SEMA3G: variants seen among roughly 807,000 people sequenced by gnomAD.
The protein encoded by SEMA3G is semaphorin 3G.
A neutral mutation model predicts 86.2 loss-of-function variants in SEMA3G; 70 were observed. The observed-to-expected ratio is 0.81, with a 90% CI of 0.67 to 0.99. SEMA3G has a LOEUF of 0.99. SEMA3G is among the 50% of genes least tolerant of loss of function. The probability of loss-of-function intolerance (pLI) is 0.00; values close to 1 mark genes in which losing one functional copy is unlikely to be tolerated. For missense variants in SEMA3G, 1,002 were observed against 1,072.4 expected, an observed-to-expected ratio of 0.93 and a Z score of 0.92; for synonymous variants, 416 against 441.4, an observed-to-expected ratio of 0.94 and a Z score of 0.72.
rs1706034178 is a variant in SEMA3G at position 52,435,731 on chromosome 3, A to C, written c.2221T>G (p.Phe741Val). 6.2e-7 allele frequency: 1 copy of C among 1,614,068 alleles called. No homozygotes were observed. Among genetic ancestry groups the C allele is most frequent in the South Asian group, 1.1e-5 (1 of 91,086 alleles). ...TGCTTGCCCCGGCTCCGGCTCCGGAAGCAGCCTGAGCATTCCGTGGTGCCC... is the reference window on the plus strand; with the variant it reads ...TGCTTGCCCCGGCTCCGGCTCCGGACGCAGCCTGAGCATTCCGTGGTGCCC... ...CRGTTECSGCFRSRSRGKQAR... is the reference protein window; with the variant it reads ...CRGTTECSGCVRSRSRGKQAR... The change falls in exon 16 of 16, where the codon TTC becomes GTC. Residue 741 changes from phenylalanine (F) to valine (V), a missense_variant. Physicochemically the swap from Phe to Val is conservative, Grantham distance 50. Coordinates refer to ENST00000231721, the MANE Select transcript of SEMA3G (RefSeq NM_020163.3).
Position 52,441,425 on chromosome 3 carries a change from G to A in SEMA3G, c.668-16C>T, listed in dbSNP as rs568020415. The A allele has an allele frequency of 5.0e-6, 8 of 1,611,556 alleles. No homozygotes were observed. Among genetic ancestry groups the A allele is most frequent in the African/African-American group, 1.3e-5 (1 of 74,900 alleles). On this transcript the variant is annotated splice_polypyrimidine_tract_variant and intron_variant, in intron 6 of 15. Coordinates refer to ENST00000231721, the MANE Select transcript of SEMA3G (RefSeq NM_020163.3). Reference sequence around the variant, plus strand: ...AACCGGGGGTCTGGAAGGGTGACAGGGTCATGCTGGGTGGAGGGGCCCCAC... The same window carrying A: ...AACCGGGGGTCTGGAAGGGTGACAGAGTCATGCTGGGTGGAGGGGCCCCAC...
At chr3:52,440,177 A>G in intron 10 of SEMA3G, 79 bp from the exon 11 acceptor site, 1 of 1,299,384 alleles carries the variant, frequency 7.7e-7, no homozygotes, top group Non-Finnish European at 1.1e-6. Context: ...TTTCCACCCC[A>G]ACCAGGGGGA....
rs966294251 is a variant in SEMA3G at position 52,442,060 on chromosome 3, C to T, written c.459+125G>A. Reference sequence around the variant, plus strand: ...GGCCCCTCTAATGGGGTCAGCTCCCCAACACAAAGGCGCCTTTCAGGCCCC... The same window carrying T: ...GGCCCCTCTAATGGGGTCAGCTCCCTAACACAAAGGCGCCTTTCAGGCCCC... On this transcript the variant is annotated intron_variant, in intron 4 of 15. Coordinates refer to ENST00000231721, the MANE Select transcript of SEMA3G (RefSeq NM_020163.3). The surrounding 1 kb of genome is among the most constrained non-coding windows in gnomAD (Gnocchi z 6.1). 19 of 1,415,280 alleles carry T rather than the reference C, an allele frequency of 1.3e-5. No homozygotes were observed. The highest frequency in any genetic ancestry group is 1.8e-5 in the Non-Finnish European group (19 of 1,051,540). The allele number at this position is 1,415,280 out of a possible 1,614,324, so 87.7% of individuals were successfully genotyped here.
intron 13 of SEMA3G, 59 bp downstream of exon 13, chr3:52,438,861 G>A (rs1051833878): frequency 1.9e-6 from 3 of 1,604,932 alleles, no homozygotes; most frequent in Non-Finnish European, 2.6e-6. Flanking sequence ...GGGCAGAGGA[G>A]GAGGCTGCGG....
Position 52,442,908 on chromosome 3 carries a change from C to T in SEMA3G, c.116-1G>A. 6.3e-7 allele frequency: 1 copy of T among 1,588,194 alleles called. No individual in the cohort carries two copies. The highest frequency in any genetic ancestry group is 8.6e-7 in the Non-Finnish European group (1 of 1,167,080). On this transcript the variant is annotated splice_acceptor_variant, in intron 1 of 15. Coordinates refer to ENST00000231721, the MANE Select transcript of SEMA3G (RefSeq NM_020163.3). LOFTEE classifies it high-confidence loss of function. The surrounding 1 kb of genome is among the most constrained non-coding windows in gnomAD (Gnocchi z 6.1). ...GCAGAGCGGTTGGCAGACAGGAGGT[C>T]TAGGAGGATGTATGGGGAGGCAGAT...
In SEMA3G at chr3:52,436,005, A is replaced by G. The variant is rs1559608159; in HGVS notation, c.1947T>C (p.Asp649=). 3.1e-6 allele frequency: 5 copies of G among 1,613,756 alleles called. No homozygotes were observed. The highest frequency in any genetic ancestry group is 3.4e-6 in the Non-Finnish European group (4 of 1,180,018). Reference sequence around the variant, plus strand: ...GAGTGGTGCAGGTGTAGGTGCCCGCATCGAAACGGCTAAGCCTGCGGAACA... The same window carrying G: ...GAGTGGTGCAGGTGTAGGTGCCCGCGTCGAAACGGCTAAGCCTGCGGAACA... ...GLLFRRLSRF[D]AGTYTCTTLE... Residue 649 remains aspartate (D), a synonymous_variant, in exon 16 of 16, where the codon GAT becomes GAC. Coordinates refer to ENST00000231721, the MANE Select transcript of SEMA3G (RefSeq NM_020163.3).
chr3:52,443,217 G>A (rs1251571578), intron 1 of SEMA3G: 2 of 494,816 alleles, frequency 4.0e-6, no homozygotes, highest in Non-Finnish European at 7.2e-6. Flanking sequence ...AGTCCCCAGG[G>A]AAGAAGGCCC....
chr3:52,443,118 C>G, intron 1 of SEMA3G: 1 of 1,377,078 alleles, frequency 7.3e-7, no homozygotes, highest in South Asian at 1.2e-5. Context: ...CTGGCCCAGC[C>G]TACCCTGGGG....
chr3:52,442,752 G>C lies in SEMA3G; in HGVS notation c.271C>G (p.Arg91Gly), dbSNP rs145924362. The change falls in exon 2 of 16, where the codon CGG (arginine) becomes GGG (glycine). Residue 91 changes from arginine (R) to glycine (G), a missense_variant. Transcript: ENST00000231721. This position sits in a 1 kb window ranked among gnomAD's most constrained non-coding sequence, Gnocchi z 6.1. ...TCCCTGCCAGTCCAGCTCACCTCCC[G>C]GGGATCTGGCCATGCCTGGTCCAGC... ...LRLDQAWPDP[R>G]EVLWPPQPGQ... 1.1e-4 allele frequency: 173 copies of C among 1,613,688 alleles called. No individual in the cohort carries two copies. Among genetic ancestry groups the C allele is most frequent in the East Asian group, 1.6e-4 (7 of 44,876 alleles).
intron 13 of SEMA3G, 80 bp downstream of exon 13, chr3:52,438,840 C>T: frequency 1.9e-6 from 3 of 1,586,694 alleles, no homozygotes; most frequent in African/African-American, 2.7e-5. Context: ...CTCGAGGAGG[C>T]TGCGGAGCAG....
Position 52,442,863 on chromosome 3 carries a change from C to T in SEMA3G, c.160G>A (p.Gly54Ser), listed in dbSNP as rs1336583749. ...NRSAIFLGPQ[G>S]SLNLQAMYLD... Reference sequence around the variant, plus strand: ...TACATGGCCTGGAGGTTCAGGGAGCCCTGGGGGCCCAGAAAGATGGCAGAG... The same window carrying T: ...TACATGGCCTGGAGGTTCAGGGAGCTCTGGGGGCCCAGAAAGATGGCAGAG... Residue 54 changes from glycine (G) to serine (S), a missense_variant, in exon 2 of 16, where the codon GGC becomes AGC. Coordinates refer to ENST00000231721, the MANE Select transcript of SEMA3G (RefSeq NM_020163.3). The surrounding 1 kb of genome is among the most constrained non-coding windows in gnomAD (Gnocchi z 6.1). 6.2e-7 allele frequency: 1 copy of T among 1,609,168 alleles called. No homozygotes were observed. Among genetic ancestry groups the T allele is most frequent in the Non-Finnish European group, 8.5e-7 (1 of 1,177,822 alleles).
rs1219316935 is a variant in SEMA3G at position 52,440,802 on chromosome 3, G to C, written c.950C>G (p.Pro317Arg). 2 of 1,612,804 alleles carry C rather than the reference G, an allele frequency of 1.2e-6. No individual in the cohort carries two copies. The highest frequency in any genetic ancestry group is 2.2e-5 in the South Asian group (2 of 91,056). ...CACCTCGAGGCTCTTCCCGGCCTTG[G>C]GCCACAGCAGGAACACATCCTCTGG... is the stretch of plus-strand genomic sequence containing the variant. ...DQLEDVFLLW[P>R]KAGKSLEVYA... Residue 317 changes from proline (P) to arginine (R), a missense_variant, in exon 9 of 16, where the codon CCC becomes CGC. Transcript: ENST00000231721.
In SEMA3G at chr3:52,438,595, C is replaced by T. The variant is rs141952351; in HGVS notation, c.1509+325G>A. 5.4e-3 allele frequency: 5,342 copies of T among 985,476 alleles called. 23 individuals carry two copies. The highest frequency in any genetic ancestry group is 0.024 in the South Asian group (517 of 21,288). The allele number at this position is 985,476 out of a possible 1,614,324, so 61.0% of individuals were successfully genotyped here. A position where few individuals can be genotyped will look rare whatever the true frequency, so the allele number is the denominator to read the frequency against. On this transcript the variant is annotated intron_variant, in intron 13 of 15. Coordinates refer to ENST00000231721, the MANE Select transcript of SEMA3G (RefSeq NM_020163.3). ...ACTGGAGCAGATAAATATGGGGAGA[C>T]GGGTTTTGCCACTTGGCAAATATAG...
intron 13 of SEMA3G, chr3:52,438,571 C>A (rs561465406): frequency 2.2e-5 from 22 of 985,496 alleles, no homozygotes; most frequent in Admixed American, 1.8e-4. Context: ...CAAAGATACA[C>A]TGGAGCAGAT....
Position 52,438,075 on chromosome 3 carries a change from G to T in SEMA3G, c.1634C>A (p.Ala545Asp). The change falls in exon 14 of 16, where the codon GCC becomes GAC. Residue 545 changes from alanine to aspartate, a missense_variant. Transcript: ENST00000231721. ...ARDPYCAWDG[A>D]SCTHYRPSLG... ...GCTGGGGCGGTAGTGGGTACAGGAG[G>T]CACCATCCCAGGCACAGTATGGGTC... 1 of 1,613,224 alleles carries T rather than the reference G, an allele frequency of 6.2e-7. No individual in the cohort carries two copies. Among genetic ancestry groups the T allele is most frequent in the South Asian group, 1.1e-5 (1 of 91,090 alleles).
intron 12 of SEMA3G, 68 bp downstream of exon 12, chr3:52,439,612 A>G (rs1421591229): frequency 4.5e-6 from 6 of 1,340,944 alleles, no homozygotes; most frequent in Non-Finnish European, 6.4e-6. Context: ...TTGCTCCTGC[A>G]TCCCTGTAGC....
At chr3:52,436,094 C>T (rs370902272) in intron 15 of SEMA3G, 21 bp from the exon 16 acceptor site, 46 of 1,589,756 alleles carry the variant, frequency 2.9e-5, no homozygotes, top group South Asian at 1.6e-4. Flanking sequence ...GGCGGGAGGG[C>T]GTGAGTAGGG....
intron 1 of SEMA3G, among the ~76,000 whole-genome samples, chr3:52,443,501 G>A (rs1021465651): frequency 5.3e-5 from 8 of 152,142 alleles, no homozygotes; most frequent in Admixed American, 2.6e-4. Flanking sequence ...TGGGGACATC[G>A]GTCCCAGGAG....
At chr3:52,436,115 G>C in intron 15 of SEMA3G, 42 bp from the exon 16 acceptor site, 1 of 1,554,216 alleles carries the variant, frequency 6.4e-7, no homozygotes, top group African/African-American at 1.4e-5. Context: ...TGCAAGGTGG[G>C]AGTTTACCAT....
Sources: allele counts gnomAD v4.1 joint callset (sites outside exome capture counted in the v4.1 genomes callset), GRCh38; gene constraint gnomAD v4.1.1; non-coding constraint Gnocchi (gnomAD v3.1); transcripts MANE v1.5; gene names NCBI Gene and HGNC (gene_info 2026-07-23, HGNC 2026-07-21).